Variants in ARHGAP26 observed in about 807,000 individuals in gnomAD.
ARHGAP26 encodes the protein Rho GTPase activating protein 26, also known as rho GTPase-activating protein 26.
ARHGAP26 carries 38 observed loss-of-function variants against 104.8 expected under a neutral mutation model. That is an observed-to-expected ratio of 0.36 (90% CI 0.28 to 0.48). ARHGAP26 has a LOEUF of 0.48. ARHGAP26 is among the 20% of genes least tolerant of loss of function. ARHGAP26 has a pLI of 0.99. For missense variants in ARHGAP26, 704 were observed against 947.9 expected (o/e 0.74, Z 3.38); for synonymous variants, 341 against 340.0 (o/e 1.00, Z -0.03).
At chr5:143,153,163 T>A (rs946692619) in intron 20 of ARHGAP26, among the ~76,000 whole-genome samples, 1 of 152,096 alleles carries the variant, frequency 6.6e-6, no homozygotes, top group Non-Finnish European at 1.5e-5. Flanking sequence ...AGAAAACAAC[T>A]TGTAACTGAG....
intron 11 of ARHGAP26, chr5:142,969,308 T>C (rs1243535883): frequency 6.6e-6 from 1 of 152,224 alleles, no homozygotes; most frequent in East Asian, 1.9e-4. Context: ...AAATGCCATT[T>C]CCTCATTTCA....
chr5:142,940,358 G>T (rs1766065749), intron 11 of ARHGAP26, among the ~76,000 whole-genome samples: 1 of 152,026 alleles, frequency 6.6e-6, no homozygotes, highest in Admixed American at 6.6e-5. Context: ...TACATGTGCA[G>T]GTTTGTTATG....
chr5:142,797,839 G>A (rs1761295376), intron 1 of ARHGAP26, among the ~76,000 whole-genome samples: 1 of 152,186 alleles, frequency 6.6e-6, no homozygotes, highest in African/African-American at 2.4e-5. Flanking sequence ...ACTTTAATGT[G>A]CATCCAGATT....
chr5:142,894,542 T>A (rs1759192620), intron 6 of ARHGAP26, among the ~76,000 whole-genome samples, 194 bp downstream of exon 6: 1 of 152,160 alleles, frequency 6.6e-6, no homozygotes, highest in East Asian at 1.9e-4. Context: ...GTACAACACA[T>A]AGCAATGGAG....
In ARHGAP26 at chr5:142,858,061, C is replaced by CTGTGTGTGTGTGTGTG. The variant is rs746146391; in HGVS notation, c.155-15320_155-15305dup. Among the ~76,000 whole-genome samples, 1,180 of 134,342 alleles carry CTGTGTGTGTGTGTGTG rather than the reference C, an allele frequency of 8.8e-3. 10 individuals are homozygous for CTGTGTGTGTGTGTGTG. Among genetic ancestry groups the CTGTGTGTGTGTGTGTG allele is most frequent in the East Asian group, 0.018 (78 of 4,440 alleles). The allele number at this position is 134,342 out of a possible 152,430, so 88.1% of individuals were successfully genotyped here. The stretch of plus-strand genomic sequence containing the variant: ...AAGGAATGAGAGAGAGAGAGAGAAT[C>CTGTGTGTGTGTGTGTG]TGTGTGTGTGTGTGTGTGTGTGTGT... On this transcript the variant is annotated intron_variant, in intron 1 of 22. Transcript: ENST00000645722.
At chr5:143,214,668 C>T (rs558259692) in intron 22 of ARHGAP26, among the ~76,000 whole-genome samples, 16 of 152,268 alleles carry the variant, frequency 1.1e-4, no homozygotes, top group African/African-American at 3.8e-4. Flanking sequence ...TAGTCACGTC[C>T]ACAGGGGCTG....
chr5:143,176,200 A>G (rs1013905783), intron 20 of ARHGAP26, among the ~76,000 whole-genome samples: 2 of 152,234 alleles, frequency 1.3e-5, no homozygotes, highest in East Asian at 3.8e-4. Flanking sequence ...GTCTTCTCTT[A>G]GCCAGAGATT....
intron 12 of ARHGAP26, among the ~76,000 whole-genome samples, chr5:143,033,883 A>G (rs759531073): frequency 5.3e-4 from 81 of 152,326 alleles, no homozygotes; most frequent in Non-Finnish European, 1.0e-3. Flanking sequence ...GTAGTTATAA[A>G]CATTTTGGGA....
intron 17 of ARHGAP26, chr5:143,058,184 T>C (rs1372785537): frequency 2.4e-6 from 1 of 418,574 alleles, no homozygotes; most frequent in African/African-American, 2.0e-5. Context: ...ATTAACCTGC[T>C]GCTTAACCAG....
intron 20 of ARHGAP26, among the ~76,000 whole-genome samples, chr5:143,190,212 A>G (rs755439321): frequency 1.3e-5 from 2 of 152,202 alleles, no homozygotes; most frequent in Non-Finnish European, 2.9e-5. Context: ...CTTATAACAG[A>G]TGGCACAAAT....
intron 1 of ARHGAP26, among the ~76,000 whole-genome samples, chr5:142,846,322 G>A (rs973557128): frequency 6.6e-6 from 1 of 152,228 alleles, no homozygotes; most frequent in Non-Finnish European, 1.5e-5. Context: ...CGAGGTATAT[G>A]TGTCGGGTGA....
intron 1 of ARHGAP26, among the ~76,000 whole-genome samples, chr5:142,843,265 C>G (rs1771171498): frequency 6.6e-6 from 1 of 152,178 alleles, no homozygotes; most frequent in African/African-American, 2.4e-5. Context: ...GCTTCCCAAG[C>G]ATGCAGCTGA....
intron 1 of ARHGAP26, among the ~76,000 whole-genome samples, chr5:142,848,230 T>C (rs1224373029): frequency 6.6e-6 from 1 of 152,246 alleles, no homozygotes; most frequent in Non-Finnish European, 1.5e-5. Flanking sequence ...TGTAAGTTGC[T>C]CTAGACACTA....
chr5:142,878,290 A>G (rs1448367479), intron 3 of ARHGAP26, among the ~76,000 whole-genome samples: 4 of 152,222 alleles, frequency 2.6e-5, no homozygotes, highest in African/African-American at 9.7e-5. Context: ...CTTAGAAAAG[A>G]CCATAGAATC....
At chr5:142,814,558 G>A (rs756774892) in intron 1 of ARHGAP26, among the ~76,000 whole-genome samples, 2 of 152,128 alleles carry the variant, frequency 1.3e-5, no homozygotes, top group Non-Finnish European at 2.9e-5. Flanking sequence ...TTGTGTTGCC[G>A]GTGCTCAGTG....
chr5:143,035,956 A>G (rs1021369436), intron 12 of ARHGAP26, among the ~76,000 whole-genome samples: 204 of 150,998 alleles, frequency 1.4e-3, no homozygotes, highest in African/African-American at 4.3e-3. Context: ...AAAAAAAAAA[A>G]AAGAAGAACT....
At chr5:143,170,980 G>A (rs1802686528) in intron 20 of ARHGAP26, among the ~76,000 whole-genome samples, 1 of 152,186 alleles carries the variant, frequency 6.6e-6, no homozygotes, top group South Asian at 2.1e-4. Flanking sequence ...AGCAGAGAAT[G>A]AGTACCTAAA....
chr5:142,828,657 A>G (rs1421428367), intron 1 of ARHGAP26, among the ~76,000 whole-genome samples: 1 of 152,190 alleles, frequency 6.6e-6, no homozygotes, highest in Non-Finnish European at 1.5e-5. Flanking sequence ...TGAGGCATCA[A>G]CCATGTGCAG....
At position 142,792,784 on chromosome 5, in the gene ARHGAP26, C is replaced by A. The variant is rs114084938; in HGVS notation, c.154+21869C>A. Reference sequence around the variant, plus strand: ...TCCTGGACCTGAAACGTAAGCTGGCCTGTGTTTCCCTGATGTGCCCTATGC... The same window carrying A: ...TCCTGGACCTGAAACGTAAGCTGGCATGTGTTTCCCTGATGTGCCCTATGC... On this transcript the variant is annotated intron_variant, in intron 1 of 22. Coordinates refer to ENST00000645722, the MANE Select transcript of ARHGAP26 (RefSeq NM_001135608.3). Among the ~76,000 whole-genome samples, 1,520 of 152,298 alleles carry A rather than the reference C, an allele frequency of 1.0e-2. 22 individuals are homozygous for A. Among genetic ancestry groups the A allele is most frequent in the African/African-American group, 0.035 (1,438 of 41,550 alleles).
Sources: allele counts gnomAD v4.1 joint callset (sites outside exome capture counted in the v4.1 genomes callset), GRCh38; gene constraint gnomAD v4.1.1; transcripts MANE v1.5; gene names NCBI Gene and HGNC (gene_info 2026-07-23, HGNC 2026-07-21).